The following RAF1 variants were observed in gnomAD, a reference collection of about 807,000 sequenced individuals.
The protein encoded by RAF1 is RAF proto-oncogene serine/threonine-protein kinase.
Under a neutral mutation model 81.1 loss-of-function variants are expected in RAF1, and 27 were observed. The observed-to-expected ratio is 0.33, with a 90% CI of 0.25 to 0.46. RAF1 has a LOEUF of 0.46. Among genes scored for constraint, RAF1 ranks in the 20% least tolerant of loss-of-function variants. The probability of loss-of-function intolerance (pLI) is 1.00; values close to 1 mark genes in which losing one functional copy is unlikely to be tolerated. For synonymous variants in RAF1, 298 were observed against 294.0 expected (o/e 1.01, Z -0.14); for missense variants, 598 against 826.0 (o/e 0.72, Z 3.38).
At chr3:12,636,102 G>A (rs1193823796) in intron 1 of RAF1, among the ~76,000 whole-genome samples, 1 of 151,504 alleles carries the variant, frequency 6.6e-6, no homozygotes, top group Non-Finnish European at 1.5e-5. Context: ...CCTGGCCAGT[G>A]TGGTGAAACC....
intron 1 of RAF1, among the ~76,000 whole-genome samples, chr3:12,619,077 C>G (rs1384603234): frequency 6.6e-6 from 1 of 151,726 alleles, no homozygotes; most frequent in Non-Finnish European, 1.5e-5. Context: ...AACCCCATCT[C>G]TACTAAAAAT....
At chr3:12,599,409 C>T (rs1167699755) in intron 11 of RAF1, among the ~76,000 whole-genome samples, 1 of 152,184 alleles carries the variant, frequency 6.6e-6, no homozygotes. Context: ...CCAAGCATGA[C>T]CCATGTGCAG....
intron 11 of RAF1, among the ~76,000 whole-genome samples, chr3:12,596,738 G>A (rs771080125): frequency 1.1e-4 from 17 of 152,000 alleles, no homozygotes; most frequent in Non-Finnish European, 1.8e-4. Context: ...AGAATATGGC[G>A]GAAAAAAGTA....
chr3:12,651,119 TA>T (rs2060510239), intron 1 of RAF1, among the ~76,000 whole-genome samples: 1 of 152,220 alleles, frequency 6.6e-6, no homozygotes, highest in Non-Finnish European at 1.5e-5. Flanking sequence ...TCATTATAAA[TA>T]GCAAGCCTTT....
At position 12,659,128 on chromosome 3, in the gene RAF1, T is replaced by C. The variant is rs917222046; in HGVS notation, c.-27+4685A>G. ...TCTAAGGCAAGAAAAAAATAGCCAT[T>C]ACTATCATGAGAATTACAAGGCAAG... On this transcript the variant is annotated intron_variant, in intron 1 of 17. Transcript: ENST00000442415. 2.0e-5 allele frequency among the ~76,000 whole-genome samples: 3 copies of C among 151,970 alleles called. 1 individual carries two copies. Among genetic ancestry groups the C allele is most frequent in the Non-Finnish European group, 4.4e-5 (3 of 68,010 alleles).
In RAF1 at chr3:12,591,963, G is replaced by A. The variant is rs561145425; in HGVS notation, c.1169-171C>T. ...TTTTGAGACAGGGTCTCACTCTGTT[G>A]TCTAGGCTAGAGTGCAGTGGCACAT... On this transcript the variant is annotated intron_variant, in intron 11 of 17. Coordinates refer to ENST00000442415, the MANE Select transcript of RAF1 (RefSeq NM_001354689.3). The A allele has an allele frequency of 4.9e-4, 316 of 647,780 alleles. 4 individuals are homozygous for A. The South Asian group carries it at 5.1e-3, about 10-fold the overall frequency. The allele number at this position is 647,780 out of a possible 1,614,324, so 40.1% of individuals were successfully genotyped here.
intron 1 of RAF1, among the ~76,000 whole-genome samples, chr3:12,626,228 G>A (rs1403023010): frequency 7.1e-6 from 1 of 140,030 alleles, no homozygotes; most frequent in Non-Finnish European, 1.5e-5. Flanking sequence ...TGAGCAACAT[G>A]AGCAAAACTC....
intron 1 of RAF1, among the ~76,000 whole-genome samples, chr3:12,634,475 G>A (rs966444611): frequency 2.0e-5 from 3 of 152,030 alleles, no homozygotes; most frequent in Non-Finnish European, 4.4e-5. Flanking sequence ...CAAGGGATTT[G>A]TTACAGGAAT....
At chr3:12,656,327 G>C (rs2060693263) in intron 1 of RAF1, among the ~76,000 whole-genome samples, 1 of 152,056 alleles carries the variant, frequency 6.6e-6, no homozygotes, top group African/African-American at 2.4e-5. Context: ...TGCTTGAGCT[G>C]AAGAGTCAGT....
Position 12,608,846 on chromosome 3 carries a change from A to G in RAF1, c.501T>C (p.Thr167=). The G allele has an allele frequency of 6.2e-7, 1 of 1,614,230 alleles. No individual in the cohort carries two copies. The highest frequency in any genetic ancestry group is 1.7e-5 in the Admixed American group (1 of 60,036). Residue 167 remains threonine (T), a synonymous_variant, in exon 5 of 18, where the codon ACT becomes ACC. Transcript: ENST00000442415. ...AGTGCTCATGAAATTTGTAGCCACA[A>G]GTCTGACATCGAAATCCATTGAGCA...
At chr3:12,629,166 TCCA>T (rs1163178171) in intron 1 of RAF1, among the ~76,000 whole-genome samples, 1 of 152,118 alleles carries the variant, frequency 6.6e-6, no homozygotes, top group East Asian at 1.9e-4. Flanking sequence ...AGTTGTAGAA[TCCA>T]CATGTTAAAT....
intron 11 of RAF1, among the ~76,000 whole-genome samples, chr3:12,596,357 C>T: frequency 6.6e-6 from 1 of 152,014 alleles, no homozygotes; most frequent in Non-Finnish European, 1.5e-5. Context: ...TCACACCCGG[C>T]TAATTTTTTT....
intron 11 of RAF1, among the ~76,000 whole-genome samples, chr3:12,592,797 G>C (rs945628912): frequency 7.0e-6 from 1 of 143,658 alleles, no homozygotes; most frequent in Admixed American, 7.2e-5. Context: ...GTGCAGTGGT[G>C]TGATCTGGGC....
chr3:12,652,110 G>A (rs1278189269), intron 1 of RAF1, among the ~76,000 whole-genome samples: 2 of 152,000 alleles, frequency 1.3e-5, no homozygotes. Context: ...CAGCTACTCG[G>A]GAGGCTGAGG....
At chr3:12,663,745 C>CT (rs1421274724) in intron 1 of RAF1, 68 bp downstream of exon 1, 5 of 395,380 alleles carry the variant, frequency 1.3e-5, no homozygotes, top group Non-Finnish European at 2.2e-5. Context: ...CCCGGTCGCC[C>CT]TGGAAGCCGA....
At chr3:12,591,867 A>G (rs2058524863) in intron 11 of RAF1, 75 bp from the exon 11 acceptor site, 2 of 1,098,570 alleles carry the variant, frequency 1.8e-6, no homozygotes, top group Non-Finnish European at 1.4e-6. Context: ...TTTGAGGAAG[A>G]TACAGTGAAT....
chr3:12,631,992 AAT>A (rs2059875706), intron 1 of RAF1, among the ~76,000 whole-genome samples: 1 of 152,182 alleles, frequency 6.6e-6, no homozygotes, highest in Non-Finnish European at 1.5e-5. Context: ...ACTGTATCAC[AAT>A]ATTCTCCTTC....
Position 12,664,112 on chromosome 3 carries a change from G to A in RAF1, c.-326C>T, listed in dbSNP as rs2060975137. 1 of 398,298 alleles carries A rather than the reference G, an allele frequency of 2.5e-6. No homozygotes were observed. Among genetic ancestry groups the A allele is most frequent in the Non-Finnish European group, 4.4e-6 (1 of 225,866 alleles). The allele number at this position is 398,298 out of a possible 1,614,324, so 24.7% of individuals were successfully genotyped here. ...ATCTAAGATGGCGGCCCAAGCGCCC[G>A]CGATTAAGACTCTCGGGCGGCCCAG... On this transcript the variant is annotated 5_prime_UTR_variant, in exon 1 of 18. Coordinates refer to ENST00000442415, the MANE Select transcript of RAF1 (RefSeq NM_001354689.3).
At position 12,655,015 on chromosome 3, in the gene RAF1, T is replaced by C. The variant is rs369943127; in HGVS notation, c.-27+8798A>G. 8.9e-3 allele frequency among the ~76,000 whole-genome samples: 1,056 copies of C among 118,288 alleles called. 16 individuals are homozygous for C. Among genetic ancestry groups the C allele is most frequent in the African/African-American group, 0.03 (990 of 32,806 alleles). 77.6% of individuals were successfully genotyped at this position (118,288 alleles called of 152,430 possible). A position where few individuals can be genotyped will look rare whatever the true frequency, so the allele number is the denominator to read the frequency against. The stretch of plus-strand genomic sequence containing the variant: ...ACATAGTGAGACCCCCCCCCCGCCA[T>C]CTCTAAAATAGTAAAAATAATAATT... On this transcript the variant is annotated intron_variant, in intron 1 of 17. Coordinates refer to ENST00000442415, the MANE Select transcript of RAF1 (RefSeq NM_001354689.3).
Sources: gnomAD v4.1 joint callset for allele counts (sites outside exome capture counted in the v4.1 genomes callset) on GRCh38, gnomAD v4.1.1 for gene constraint, MANE v1.5 for transcripts, NCBI Gene and HGNC (gene_info 2026-07-23, HGNC 2026-07-21) for gene names.